PCDH9: variants seen among roughly 807,000 people sequenced by gnomAD.
PCDH9 encodes the protein protocadherin-9.
In PCDH9, 24 loss-of-function variants were observed where a neutral mutation model predicts 70.6. The ratio of observed to expected loss-of-function variants is 0.34; its 90% confidence interval spans 0.25 to 0.48. The LOEUF (loss-of-function observed/expected upper bound fraction) is 0.48, where lower values mean the gene tolerates loss of function less well. PCDH9 is among the 20% of genes least tolerant of loss of function. PCDH9 has a pLI of 0.99. For synonymous variants in PCDH9, 562 were observed against 558.5 expected (o/e 1.01, Z -0.09); for missense variants, 1,281 against 1,503.6 (o/e 0.85, Z 2.45).
intron 3 of PCDH9, among the ~76,000 whole-genome samples, chr13:66,861,256 A>G (rs1269497861): frequency 6.6e-6 from 1 of 152,206 alleles, no homozygotes; most frequent in Non-Finnish European, 1.5e-5. Context: ...ATCAGTGCCA[A>G]GGCAATCACA....
chr13:67,150,152 A>T (rs2087622159), intron 2 of PCDH9, among the ~76,000 whole-genome samples: 1 of 152,134 alleles, frequency 6.6e-6, no homozygotes, highest in Non-Finnish European at 1.5e-5. Flanking sequence ...TCCTGCCTCA[A>T]CTTCCCAAGT....
intron 3 of PCDH9, among the ~76,000 whole-genome samples, chr13:66,715,788 T>C (rs9540873): frequency 0.083 from 12,663 of 152,242 alleles, 638 homozygotes; most frequent in Middle Eastern, 0.14. Context: ...AATAGATCAA[T>C]ATGGATGTGC....
intron 3 of PCDH9, among the ~76,000 whole-genome samples, chr13:66,751,658 T>C (rs372691282): frequency 6.6e-6 from 1 of 152,342 alleles, no homozygotes; most frequent in East Asian, 1.9e-4. Flanking sequence ...ACTTCAATCA[T>C]GGATATGGTC....
intron 2 of PCDH9, among the ~76,000 whole-genome samples, chr13:66,969,537 C>T (rs2083483982): frequency 6.6e-6 from 1 of 152,010 alleles, no homozygotes; most frequent in Non-Finnish European, 1.5e-5. Context: ...ATTGAGAAAT[C>T]TCAATTTGAC....
At chr13:66,788,545 A>C (rs746342767) in intron 3 of PCDH9, among the ~76,000 whole-genome samples, 18 of 151,966 alleles carry the variant, frequency 1.2e-4, no homozygotes, top group Admixed American at 2.0e-4. Flanking sequence ...TATTGTTCCT[A>C]ATATTAGGTT....
At chr13:66,535,735 CTCT>C (rs956362800) in intron 4 of PCDH9, among the ~76,000 whole-genome samples, 90 of 152,158 alleles carry the variant, frequency 5.9e-4, no homozygotes, top group African/African-American at 1.9e-3. Context: ...TCAAAAATCC[CTCT>C]TCTTTTATGT....
intron 4 of PCDH9, among the ~76,000 whole-genome samples, chr13:66,562,588 C>A (rs1441507497): frequency 6.6e-6 from 1 of 152,158 alleles, no homozygotes; most frequent in Non-Finnish European, 1.5e-5. Context: ...ACCATCAGAT[C>A]TTGTGGGACA....
rs759420554 is a variant in PCDH9 at position 67,226,525 on chromosome 13, C to A, written c.1916G>T (p.Ser639Ile). 14 of 1,613,982 alleles carry A rather than the reference C, an allele frequency of 8.7e-6. No individual in the cohort carries two copies. Among genetic ancestry groups the A allele is most frequent in the East Asian group, 2.2e-5 (1 of 44,888 alleles). Residue 639 changes from serine (S) to isoleucine (I), a missense_variant, in exon 2 of 5, where the codon AGT becomes ATT. Coordinates refer to ENST00000377865, the MANE Select transcript of PCDH9 (RefSeq NM_203487.3). This position sits in a 1 kb window ranked among gnomAD's most constrained non-coding sequence, Gnocchi z 5.0. Reference protein sequence around the residue: ...SNVSFDREQQSSYTFDVKATD... With the variant: ...SNVSFDREQQISYTFDVKATD... ...GGCTTTGACATCAAAAGTGTAGGAA[C>A]TCTGCTGCTCTCTATCAAATGAGAC...
chr13:66,846,832 A>G (rs1457432963), intron 3 of PCDH9, among the ~76,000 whole-genome samples: 58 of 151,942 alleles, frequency 3.8e-4, no homozygotes, highest in Non-Finnish European at 1.5e-5. Flanking sequence ...GCTATGAAAG[A>G]GAACAAAATC....
At chr13:66,319,475 C>T (rs916941329) in intron 4 of PCDH9, among the ~76,000 whole-genome samples, 5 of 150,928 alleles carry the variant, frequency 3.3e-5, no homozygotes, top group Non-Finnish European at 7.4e-5. Context: ...TGTGAGGTGC[C>T]ATGGCTTGAG....
intron 3 of PCDH9, among the ~76,000 whole-genome samples, chr13:66,773,180 C>A (rs2079835585): frequency 1.3e-5 from 2 of 152,132 alleles, no homozygotes; most frequent in South Asian, 4.1e-4. Flanking sequence ...ATAACATGCT[C>A]AGGGCTTTCC....
rs2082636171 is a variant in PCDH9, at chr13:66,921,548, G to T, written c.3037-17943C>A. Reference sequence around the variant, plus strand: ...AAAGTCAAAGCCAATTTCAGCGGAAGTCCTAACGGATCTAAAATTTGCCAC... The same window carrying T: ...AAAGTCAAAGCCAATTTCAGCGGAATTCCTAACGGATCTAAAATTTGCCAC... On this transcript the variant is annotated intron_variant, in intron 2 of 4. Coordinates refer to ENST00000377865, the MANE Select transcript of PCDH9 (RefSeq NM_203487.3). Among the ~76,000 whole-genome samples the T allele has an allele frequency of 2.0e-5, 3 of 151,194 alleles. No individual in the cohort carries two copies. The South Asian group carries it at 6.2e-4, about 31-fold the overall frequency.
chr13:66,503,910 A>G (rs1011529798), intron 4 of PCDH9, among the ~76,000 whole-genome samples: 3 of 152,244 alleles, frequency 2.0e-5, no homozygotes, highest in Admixed American at 2.0e-4. Context: ...TTAAGTCAAC[A>G]GAAGAGATAC....
chr13:67,118,869 A>G (rs1214350495), intron 2 of PCDH9, among the ~76,000 whole-genome samples: 3 of 152,172 alleles, frequency 2.0e-5, no homozygotes, highest in Non-Finnish European at 2.9e-5. Context: ...TACCAGGGTC[A>G]GCATCCAAAT....
At chr13:66,623,481 T>G (rs924359655) in intron 4 of PCDH9, among the ~76,000 whole-genome samples, 3 of 152,184 alleles carry the variant, frequency 2.0e-5, no homozygotes, top group Non-Finnish European at 4.4e-5. Flanking sequence ...TCATTTCACC[T>G]GGGCTGGAGT....
At chr13:66,713,623 G>GTA (rs762817724) in intron 3 of PCDH9, among the ~76,000 whole-genome samples, 13,110 of 92,534 alleles carry the variant, frequency 0.14, 879 homozygotes, top group South Asian at 0.17. Flanking sequence ...GTGTGTGTGT[G>GTA]TGTATATATA....
chr13:66,979,869 A>T (rs905312454), intron 2 of PCDH9, among the ~76,000 whole-genome samples: 2 of 151,604 alleles, frequency 1.3e-5, no homozygotes, highest in Non-Finnish European at 2.9e-5. Context: ...TTTTCTCTTT[A>T]GCTTTGCCCA....
At chr13:66,777,645 G>A (rs1396493287) in intron 3 of PCDH9, among the ~76,000 whole-genome samples, 2 of 152,170 alleles carry the variant, frequency 1.3e-5, no homozygotes, top group African/African-American at 4.8e-5. Flanking sequence ...GTGCTGGAGA[G>A]GATGTGGAGA....
intron 2 of PCDH9, chr13:67,221,030 C>T (rs1213266880): frequency 6.6e-6 from 1 of 152,040 alleles, no homozygotes; most frequent in Non-Finnish European, 1.5e-5. Context: ...AAACTGACTT[C>T]ATGACCATAG....
Sources: allele counts gnomAD v4.1 joint callset (sites outside exome capture counted in the v4.1 genomes callset), GRCh38; gene constraint gnomAD v4.1.1; non-coding constraint Gnocchi (gnomAD v3.1); transcripts MANE v1.5; gene names NCBI Gene and HGNC (gene_info 2026-07-23, HGNC 2026-07-21).